The following SVIL variants were observed in gnomAD, a reference collection of about 807,000 sequenced individuals.
SVIL encodes archvillin.
Under a neutral mutation model 240.4 loss-of-function variants are expected in SVIL, and 101 were observed. That is an observed-to-expected ratio of 0.42 (90% CI 0.36 to 0.50). The LOEUF (loss-of-function observed/expected upper bound fraction) is 0.50. Ranked by LOEUF, SVIL falls within the 20% of genes least tolerant of loss-of-function variation. The pLI is 0.01. For missense variants in SVIL, 2,512 were observed against 2,818.7 expected (o/e 0.89, Z 2.46); for synonymous variants, 999 against 1,100.0 (o/e 0.91, Z 1.82).
chr10:29,500,867 C>G (rs569597494), intron 17 of SVIL, among the ~76,000 whole-genome samples: 1 of 152,100 alleles, frequency 6.6e-6, no homozygotes, highest in South Asian at 2.1e-4. Flanking sequence ...CGAGAGAGAA[C>G]TTCCTGATTC....
Position 29,481,566 on chromosome 10 carries a change from G to T in SVIL, c.5100+18C>A. On this transcript the variant is annotated intron_variant, in intron 28 of 37. Transcript: ENST00000355867. Reference sequence around the variant, plus strand: ...CCCGAACCAAGCCCCGAGTTTTGAGGCTTGGTCGCCGGAATACCTTGTGCT... The same window carrying T: ...CCCGAACCAAGCCCCGAGTTTTGAGTCTTGGTCGCCGGAATACCTTGTGCT... The T allele has an allele frequency of 1.9e-6, 3 of 1,612,580 alleles. No homozygotes were observed. Among genetic ancestry groups the T allele is most frequent in the Non-Finnish European group, 2.5e-6 (3 of 1,179,656 alleles).
intron 1 of SVIL, among the ~76,000 whole-genome samples, chr10:29,695,603 G>T (rs1383579395): frequency 6.6e-6 from 1 of 151,928 alleles, no homozygotes; most frequent in East Asian, 1.9e-4. Context: ...AATTAGCCAG[G>T]TGTGGTGGCA....
intron 5 of SVIL, among the ~76,000 whole-genome samples, chr10:29,552,280 G>A (rs1953434662): frequency 6.6e-6 from 1 of 151,790 alleles, no homozygotes; most frequent in South Asian, 2.1e-4. Flanking sequence ...TTTCCCAGCT[G>A]GCTCACAACT....
chr10:29,467,623 G>T, intron 33 of SVIL, 119 bp downstream of exon 33: 1 of 1,347,118 alleles, frequency 7.4e-7, no homozygotes, highest in Non-Finnish European at 1.0e-6. Flanking sequence ...AGCCCAGGAG[G>T]TTGAAGCTGC....
chr10:29,605,964 G>A (rs1957004821), intron 1 of SVIL, among the ~76,000 whole-genome samples: 1 of 152,056 alleles, frequency 6.6e-6, no homozygotes, highest in South Asian at 2.1e-4. Flanking sequence ...AGGCTGGAGT[G>A]CAGTAGTGCC....
chr10:29,533,431 T>G lies in SVIL; in HGVS notation c.936A>C (p.Lys312Asn). 2.5e-6 allele frequency: 4 copies of G among 1,613,050 alleles called. No homozygotes were observed. Among genetic ancestry groups the G allele is most frequent in the Non-Finnish European group, 3.4e-6 (4 of 1,179,310 alleles). ...CAGGGCTGTTTCGAGCACTTTCCTC[T>G]TTCACCAATTTTTCTCTAACTTTAA... ...SRVKVREKLV[K>N]EESARNSPEL... Residue 312 changes from lysine (K) to asparagine (N), a missense_variant, in exon 8 of 38, where the codon AAA becomes AAC. Physicochemically the swap from Lys to Asn is moderately conservative, Grantham distance 94. Around this residue, in one of 3 missense-constraint regions of SVIL, gnomAD observed 1,443 missense variants for 1,486.6 expected, o/e 0.97. Transcript: ENST00000355867.
intron 1 of SVIL, among the ~76,000 whole-genome samples, chr10:29,726,830 T>G (rs1056908227): frequency 2.6e-5 from 4 of 151,990 alleles, no homozygotes; most frequent in Non-Finnish European, 4.4e-5. Context: ...CAGTGGACAG[T>G]CAACAGATGA....
chr10:29,635,866 G>A (rs892716984), upstream of SVIL, among the ~76,000 whole-genome samples: 3 of 152,124 alleles, frequency 2.0e-5, no homozygotes, highest in African/African-American at 4.8e-5. Flanking sequence ...TGTGTGCTGC[G>A]CGGGGCCTCC....
At chr10:29,591,763 T>A (rs1956399254) in intron 1 of SVIL, among the ~76,000 whole-genome samples, 1 of 152,234 alleles carries the variant, frequency 6.6e-6, no homozygotes, top group South Asian at 2.1e-4. Flanking sequence ...CCAGCTTATG[T>A]CATCGGCCTT....
At chr10:29,475,898 T>A (rs1461065523) in intron 29 of SVIL, among the ~76,000 whole-genome samples, 3 of 152,276 alleles carry the variant, frequency 2.0e-5, no homozygotes, top group Admixed American at 1.3e-4. Context: ...ATAAAACTCA[T>A]TTAAGTTCTT....
At chr10:29,596,082 C>G (rs529065158) in intron 1 of SVIL, among the ~76,000 whole-genome samples, 1 of 152,316 alleles carries the variant, frequency 6.6e-6, no homozygotes, top group East Asian at 1.9e-4. Context: ...ACAGAAGCAC[C>G]ACACACCCCT....
intron 6 of SVIL, among the ~76,000 whole-genome samples, chr10:29,544,285 C>G (rs566780103): frequency 1.7e-4 from 26 of 152,214 alleles, no homozygotes; most frequent in African/African-American, 6.0e-4. Context: ...TGCTAAAAGT[C>G]GCTTGTTTGG....
rs997756428 is a variant in SVIL, at chr10:29,532,816, G to T, written c.1551C>A (p.Leu517=). 1 of 1,614,058 alleles carries T rather than the reference G, an allele frequency of 6.2e-7. No homozygotes were observed. Among genetic ancestry groups the T allele is most frequent in the East Asian group, 2.2e-5 (1 of 44,882 alleles). ...TERTGRSEMV[L]YIQSEPVSQD... ...GGGACACAGGCTCACTTTGAATGTA[G>T]AGAACCATCTCGCTCCTGCCTGTCC... Residue 517 remains leucine (L), a synonymous_variant, in exon 8 of 38, where the codon CTC becomes CTA. Transcript: ENST00000355867.
chr10:29,641,893 G>C (rs556942397), intron 3 of SVIL, among the ~76,000 whole-genome samples: 3 of 152,226 alleles, frequency 2.0e-5, no homozygotes, highest in African/African-American at 7.2e-5. Flanking sequence ...GTGGAAAACA[G>C]AAAACAAAAG....
At chr10:29,489,167 C>A (rs1393453432) in intron 22 of SVIL, among the ~76,000 whole-genome samples, 1 of 152,176 alleles carries the variant, frequency 6.6e-6, no homozygotes, top group Non-Finnish European at 1.5e-5. Context: ...AGCCTTTATA[C>A]ATAAAGAAAA....
intron 1 of SVIL, among the ~76,000 whole-genome samples, chr10:29,623,911 T>C (rs1957762921): frequency 6.6e-6 from 1 of 152,148 alleles, no homozygotes; most frequent in East Asian, 1.9e-4. Context: ...AAGATTACAA[T>C]GGCTACACCA....
chr10:29,478,305 T>G (rs1946428357), intron 29 of SVIL, among the ~76,000 whole-genome samples: 1 of 152,046 alleles, frequency 6.6e-6, no homozygotes, highest in Non-Finnish European at 1.5e-5. Flanking sequence ...GAGATCCACA[T>G]TATCTTGTCT....
At chr10:29,657,729 C>T (rs1289181842) in intron 3 of SVIL, 2 of 152,236 alleles carry the variant, frequency 1.3e-5, no homozygotes, top group Non-Finnish European at 2.9e-5. Flanking sequence ...CACTGGGACA[C>T]ATGACCATCG....
chr10:29,532,160 C>T lies in SVIL; in HGVS notation c.1851G>A (p.Val617=), dbSNP rs17756919. 611,943 of 1,613,406 alleles carry T rather than the reference C, an allele frequency of 0.38. 119,486 individuals are homozygous for T. The highest frequency in any genetic ancestry group is 0.4 in the Non-Finnish European group (475,699 of 1,179,634). The change falls in exon 9 of 38, where the codon GTG becomes GTA. Residue 617 remains valine, a synonymous_variant. Coordinates refer to ENST00000355867, the MANE Select transcript of SVIL (RefSeq NM_021738.3). ...ACRRPELKSR[V]ERSAEGPGLP... ...AGCCAGGTCCTTCAGCCGACCTCTC[C>T]ACCCGTGATTTGCTTTGAGAATCAA... is the stretch of plus-strand genomic sequence containing the variant.
Sources: allele counts gnomAD v4.1 joint callset (sites outside exome capture counted in the v4.1 genomes callset), GRCh38; gene constraint gnomAD v4.1.1; regional missense constraint gnomAD v4.1.1; transcripts MANE v1.5; gene names NCBI Gene and HGNC (gene_info 2026-07-23, HGNC 2026-07-21).